The following PARG variants were observed in gnomAD, a reference collection of about 807,000 sequenced individuals.
The protein encoded by PARG is poly(ADP-ribose) glycohydrolase, also known as mitochondrial poly(ADP-ribose) glycohydrolase.
PARG carries 35 observed loss-of-function variants against 113.0 expected under a neutral mutation model. The ratio of observed to expected loss-of-function variants is 0.31; its 90% confidence interval spans 0.24 to 0.41. The LOEUF (loss-of-function observed/expected upper bound fraction) is 0.41, where lower values mean the gene tolerates loss of function less well. Ranked by LOEUF, PARG falls within the 10% of genes least tolerant of loss-of-function variation. PARG has a pLI of 1.00. For missense variants in PARG, 797 were observed against 1,169.4 expected (o/e 0.68, Z 4.64); for synonymous variants, 330 against 409.9 (o/e 0.81, Z 2.36).
intron 13 of PARG, among the ~76,000 whole-genome samples, chr10:49,851,559 A>T (rs1480828276): frequency 1.3e-5 from 2 of 151,112 alleles, no homozygotes; most frequent in Non-Finnish European, 3.0e-5. Flanking sequence ...CTCTGCTGAC[A>T]TTTGGAAAAG....
At chr10:49,828,605 A>G (rs1263020362) in intron 16 of PARG, among the ~76,000 whole-genome samples, 1 of 152,168 alleles carries the variant, frequency 6.6e-6, no homozygotes, top group Non-Finnish European at 1.5e-5. Flanking sequence ...TCTTAGGGCC[A>G]CTGGCTGCCT....
intron 4 of PARG, among the ~76,000 whole-genome samples, chr10:49,927,179 C>T (rs1396890412): frequency 2.0e-5 from 3 of 151,828 alleles, no homozygotes; most frequent in Non-Finnish European, 2.9e-5. Flanking sequence ...TTGTGCCGCG[C>T]GTCGGTAGTC....
At chr10:49,865,419 G>A (rs1162421092) in intron 10 of PARG, 38 bp from the exon 11 acceptor site, 18 of 582,006 alleles carry the variant, frequency 3.1e-5, no homozygotes, top group African/African-American at 1.9e-4. Flanking sequence ...CCCAAAATAA[G>A]TTTCAATTTT....
intron 6 of PARG, among the ~76,000 whole-genome samples, 173 bp downstream of exon 6, chr10:49,922,163 T>C (rs1837910591): frequency 6.6e-6 from 1 of 152,190 alleles, no homozygotes; most frequent in Non-Finnish European, 1.5e-5. Flanking sequence ...CATTTGCAAC[T>C]CTCAGTTCTT....
intron 4 of PARG, among the ~76,000 whole-genome samples, chr10:49,923,199 C>T (rs1463748609): frequency 6.6e-6 from 1 of 152,058 alleles, no homozygotes; most frequent in Non-Finnish European, 1.5e-5. Flanking sequence ...CCAATTGCCA[C>T]CTCCCCCACT....
intron 13 of PARG, 136 bp from the exon 14 acceptor site, chr10:49,843,768 TAAACAA>T (rs1554832814): frequency 4.9e-6 from 3 of 608,540 alleles, no homozygotes; most frequent in Non-Finnish European, 8.8e-6. Flanking sequence ...GGCAAGAAAA[TAAACAA>T]AAAGGCATAA....
intron 13 of PARG, among the ~76,000 whole-genome samples, chr10:49,852,379 C>T (rs1454071245): frequency 6.6e-6 from 1 of 151,178 alleles, no homozygotes; most frequent in African/African-American, 2.4e-5. Context: ...GCTGCAGGAA[C>T]GTTTAGAGAT....
intron 1 of PARG, 55 bp from the exon 2 acceptor site, chr10:49,935,197 A>T (rs1838689917): frequency 1.5e-6 from 1 of 675,784 alleles, no homozygotes; most frequent in Non-Finnish European, 2.7e-6. Flanking sequence ...CATATACAGC[A>T]TATTGTACAT....
intron 7 of PARG, among the ~76,000 whole-genome samples, chr10:49,892,544 G>A (rs2132693910): frequency 1.3e-5 from 2 of 152,176 alleles, no homozygotes; most frequent in African/African-American, 4.8e-5. Context: ...AATAATTTTT[G>A]TAATCATTCC....
intron 13 of PARG, among the ~76,000 whole-genome samples, chr10:49,846,744 ATATG>A (rs1179654212): frequency 3.1e-5 from 4 of 130,830 alleles, no homozygotes; most frequent in East Asian, 2.2e-4. Context: ...TCACAGTTGT[ATATG>A]TGTGTGTGTG....
intron 1 of PARG, among the ~76,000 whole-genome samples, chr10:49,938,318 CTT>C (rs1304262667): frequency 1.5e-4 from 22 of 150,218 alleles, no homozygotes; most frequent in African/African-American, 4.9e-4. Flanking sequence ...TCCACCCAGT[CTT>C]TTTTTTTTCC....
intron 7 of PARG, among the ~76,000 whole-genome samples, chr10:49,896,260 T>G (rs1428049688): frequency 6.6e-6 from 1 of 152,250 alleles, no homozygotes; most frequent in Non-Finnish European, 1.5e-5. Context: ...GAGGACATAG[T>G]TGTTAATAGT....
chr10:49,885,225 CAG>C lies in PARG; in HGVS notation c.1806_1807del (p.Cys603SerfsTer33). ...AACCTGGGTGCAAATATTTGGCAGACAGAGTGCAATTTTCACCATATCAGGCA... is the reference window on the plus strand; with the variant it reads ...AACCTGGGTGCAAATATTTGGCAGACAGTGCAATTTTCACCATATCAGGCA... On this transcript the variant is annotated frameshift_variant, in exon 8 of 18. Coordinates refer to ENST00000616448, the MANE Select transcript of PARG (RefSeq NM_003631.5). LOFTEE classifies it high-confidence loss of function. 1 of 1,596,496 alleles carries C rather than the reference CAG, an allele frequency of 6.3e-7. No homozygotes were observed. The highest frequency in any genetic ancestry group is 8.6e-7 in the Non-Finnish European group (1 of 1,165,826).
At chr10:49,883,260 C>A (rs1847300696) in intron 8 of PARG, among the ~76,000 whole-genome samples, 2 of 152,106 alleles carry the variant, frequency 1.3e-5, no homozygotes, top group South Asian at 4.1e-4. Context: ...TGACATACTG[C>A]AATGCATGGG....
Position 49,897,847 on chromosome 10 carries a change from C to G in PARG, c.1738-12552G>C, listed in dbSNP as rs1281738458. On this transcript the variant is annotated intron_variant, in intron 7 of 17. Coordinates refer to ENST00000616448, the MANE Select transcript of PARG (RefSeq NM_003631.5). ...TCTCTACTAAAAATACAAAAATTAG[C>G]TGAGCATTGTGGCCCACACCTGTAG... Among the ~76,000 whole-genome samples the G allele has an allele frequency of 2.6e-5, 4 of 152,166 alleles. No homozygotes were observed. In the South Asian group the frequency reaches 6.2e-4, roughly 24 times the overall value.
At chr10:49,902,835 A>ATT (rs1198994376) in intron 7 of PARG, among the ~76,000 whole-genome samples, 8 of 143,508 alleles carry the variant, frequency 5.6e-5, no homozygotes, top group African/African-American at 1.0e-4. Context: ...TACAAAAAAA[A>ATT]TTTTTTTTTT....
chr10:49,924,891 C>G (rs1311383508), intron 4 of PARG, among the ~76,000 whole-genome samples: 15 of 151,264 alleles, frequency 9.9e-5, no homozygotes, highest in African/African-American at 3.4e-4. Context: ...CCCAACCCCC[C>G]GGAATCCAGA....
chr10:49,927,595 G>A (rs1554850977), intron 4 of PARG, among the ~76,000 whole-genome samples: 1 of 152,134 alleles, frequency 6.6e-6, no homozygotes, highest in East Asian at 1.9e-4. Flanking sequence ...AATTGGCTAA[G>A]GAGGAAGAAA....
chr10:49,936,349 G>T (rs1269604545), intron 1 of PARG, among the ~76,000 whole-genome samples: 2 of 152,162 alleles, frequency 1.3e-5, no homozygotes, highest in Non-Finnish European at 2.9e-5. Context: ...AGAGAATTGT[G>T]TTTAGGGAAG....
Sources: gnomAD v4.1 joint callset for allele counts (sites outside exome capture counted in the v4.1 genomes callset) on GRCh38, gnomAD v4.1.1 for gene constraint, MANE v1.5 for transcripts, NCBI Gene and HGNC (gene_info 2026-07-23, HGNC 2026-07-21) for gene names.